Variants in DPYD observed in about 807,000 individuals in gnomAD.
The protein encoded by DPYD is dihydropyrimidine dehydrogenase [NADP(+)].
A neutral mutation model predicts 116.2 loss-of-function variants in DPYD; 109 were observed. That is an observed-to-expected ratio of 0.94 (90% CI 0.80 to 1.10). DPYD has a LOEUF of 1.10. Ranked by LOEUF, DPYD falls within the 50% of genes least tolerant of loss-of-function variation. The pLI is 0.00. For missense variants in DPYD, 1,302 were observed against 1,254.5 expected, an observed-to-expected ratio of 1.04 and a Z score of -0.57; for synonymous variants, 440 against 432.0, an observed-to-expected ratio of 1.02 and a Z score of -0.23.
chr1:97,464,869 G>A (rs1677228383), intron 13 of DPYD, among the ~76,000 whole-genome samples: 1 of 152,108 alleles, frequency 6.6e-6, no homozygotes, highest in African/African-American at 2.4e-5. Flanking sequence ...GCCTAGTGGA[G>A]CTGTGAGAAG....
intron 20 of DPYD, among the ~76,000 whole-genome samples, chr1:97,172,656 A>C (rs541918361): frequency 7.2e-5 from 11 of 152,310 alleles, no homozygotes; most frequent in African/African-American, 2.4e-4. Context: ...AAGGAAATGT[A>C]AAAGCGAAAC....
rs372066732 is a variant in DPYD at position 97,623,970 on chromosome 1, C to A, written c.851-28804G>T. Among the ~76,000 whole-genome samples, 41 of 151,930 alleles carry A rather than the reference C, an allele frequency of 2.7e-4. No homozygotes were observed. In the East Asian group the frequency reaches 6.0e-3, roughly 22 times the overall value. On this transcript the variant is annotated intron_variant, in intron 8 of 22. Transcript: ENST00000370192. ...ATTTGACCTTGCACCATATAAAAAA[C>A]CAACTCAAAATGTACTAAATACTGA...
intron 20 of DPYD, among the ~76,000 whole-genome samples, chr1:97,115,100 C>T (rs1339089224): frequency 2.0e-5 from 3 of 152,152 alleles, no homozygotes; most frequent in African/African-American, 7.2e-5. Context: ...CTTTAAGTTA[C>T]GGCCAAAGAA....
At chr1:97,894,733 G>T (rs2101668768) in intron 1 of DPYD, among the ~76,000 whole-genome samples, 1 of 151,544 alleles carries the variant, frequency 6.6e-6, no homozygotes, top group South Asian at 2.1e-4. Context: ...GAGAAATAAA[G>T]TGTCAAATGC....
chr1:97,382,433 TA>T lies in DPYD; in HGVS notation c.1933del (p.Tyr645ThrfsTer23). On this transcript the variant is annotated frameshift_variant, in exon 15 of 23. Transcript: ENST00000370192. LOFTEE classifies it high-confidence loss of function. ...AAGTTCCGTCCAGTCATTTTTATTG[TA>T]ACTGCACATAATGCTAGCAATCACA... The part of the protein sequence containing the change: ...NIVIASIMCS[Y>X]NKNDWTELAK... 1 of 1,597,180 alleles carries T rather than the reference TA, an allele frequency of 6.3e-7. No individual in the cohort carries two copies. The highest frequency in any genetic ancestry group is 1.2e-5 in the South Asian group (1 of 86,718).
At chr1:97,195,963 G>A (rs745307715) in intron 19 of DPYD, among the ~76,000 whole-genome samples, 4 of 151,688 alleles carry the variant, frequency 2.6e-5, no homozygotes, top group African/African-American at 7.3e-5. Flanking sequence ...AGTAGATGCC[G>A]GTTTTTTTGG....
chr1:97,563,915 C>A (rs139136064), intron 11 of DPYD, among the ~76,000 whole-genome samples: 1 of 152,164 alleles, frequency 6.6e-6, no homozygotes, highest in African/African-American at 2.4e-5. Context: ...CACTAGATTC[C>A]ACCACTTCAT....
intron 14 of DPYD, among the ~76,000 whole-genome samples, chr1:97,425,044 G>C (rs1049818955): frequency 1.3e-5 from 2 of 151,908 alleles, no homozygotes; most frequent in African/African-American, 2.4e-5. Context: ...AGAAAACCTA[G>C]GGTATATGAT....
intron 12 of DPYD, among the ~76,000 whole-genome samples, chr1:97,519,892 C>T (rs1648512344): frequency 1.3e-5 from 2 of 152,100 alleles, no homozygotes; most frequent in Admixed American, 1.3e-4. Context: ...TTCTAAAGTC[C>T]TTCCCTTGTC....
intron 3 of DPYD, among the ~76,000 whole-genome samples, chr1:97,744,095 T>A (rs923032502): frequency 6.6e-6 from 1 of 152,020 alleles, no homozygotes; most frequent in Non-Finnish European, 1.5e-5. Flanking sequence ...CAATGTTAAT[T>A]TTTTATAATT....
chr1:97,421,525 T>G (rs1246431967), intron 14 of DPYD, among the ~76,000 whole-genome samples: 1 of 151,142 alleles, frequency 6.6e-6, no homozygotes, highest in Non-Finnish European at 1.5e-5. Flanking sequence ...GGGTTTTTGG[T>G]CAGTTTTTAT....
At chr1:97,467,302 G>A (rs1236550559) in intron 13 of DPYD, among the ~76,000 whole-genome samples, 1 of 152,140 alleles carries the variant, frequency 6.6e-6, no homozygotes, top group Non-Finnish European at 1.5e-5. Context: ...AAGAGCCAGA[G>A]CTAACATTCT....
chr1:97,444,329 T>C (rs547800625), intron 14 of DPYD, among the ~76,000 whole-genome samples: 2 of 152,310 alleles, frequency 1.3e-5, no homozygotes, highest in South Asian at 2.1e-4. Context: ...TTTCACTCAC[T>C]AGCTGTGTTA....
intron 18 of DPYD, among the ~76,000 whole-genome samples, chr1:97,277,555 A>G (rs1038617903): frequency 6.6e-6 from 1 of 152,098 alleles, no homozygotes; most frequent in Non-Finnish European, 1.5e-5. Context: ...AACTATTTGA[A>G]GTTATTTATA....
At chr1:97,172,881 A>G (rs940871164) in intron 20 of DPYD, among the ~76,000 whole-genome samples, 9 of 152,316 alleles carry the variant, frequency 5.9e-5, no homozygotes, top group East Asian at 1.9e-4. Flanking sequence ...GGACATTTAC[A>G]TAAACCTTAC....
intron 20 of DPYD, among the ~76,000 whole-genome samples, chr1:97,185,207 A>G (rs566878570): frequency 6.6e-6 from 1 of 152,332 alleles, no homozygotes; most frequent in East Asian, 1.9e-4. Flanking sequence ...AGTAAGATAC[A>G]TGGAAGGCCA....
chr1:97,525,768 G>GAGAGAGAGAGAGAGAA (rs1649009889), intron 12 of DPYD, among the ~76,000 whole-genome samples: 1 of 149,090 alleles, frequency 6.7e-6, no homozygotes, highest in Non-Finnish European at 1.5e-5. Context: ...TAGAGAGAGA[G>GAGAGAGAGAGAGAGAA]AGAGAGAGAG....
intron 19 of DPYD, among the ~76,000 whole-genome samples, chr1:97,218,028 A>G (rs1044628557): frequency 6.6e-6 from 1 of 152,234 alleles, no homozygotes; most frequent in Non-Finnish European, 1.5e-5. Flanking sequence ...TCCAGCTAGT[A>G]AATGTTGAGC....
At chr1:97,770,625 G>GT (rs1322648319) in intron 3 of DPYD, among the ~76,000 whole-genome samples, 2 of 152,182 alleles carry the variant, frequency 1.3e-5, no homozygotes, top group East Asian at 1.9e-4. Flanking sequence ...CTAAGTTTGC[G>GT]TAAGTGTTTT....
Sources: gnomAD v4.1 joint callset for allele counts (sites outside exome capture counted in the v4.1 genomes callset) on GRCh38, gnomAD v4.1.1 for gene constraint, MANE v1.5 for transcripts, NCBI Gene and HGNC (gene_info 2026-07-23, HGNC 2026-07-21) for gene names.